Variants in CSMD1 observed in about 807,000 individuals in gnomAD.
CSMD1 encodes CUB and sushi domain-containing protein 1.
A neutral mutation model predicts 417.5 loss-of-function variants in CSMD1; 213 were observed. That is an observed-to-expected ratio of 0.51 (90% CI 0.46 to 0.57). The LOEUF is 0.57. Among genes scored for constraint, CSMD1 ranks in the 20% least tolerant of loss-of-function variants. The pLI is 0.00. For synonymous variants in CSMD1, 2,862 were observed against 1,736.8 expected (o/e 1.65, Z -16.11); for missense variants, 6,923 against 4,529.7 (o/e 1.53, Z -15.17).
chr8:4,630,481 C>G (rs1280690694), intron 2 of CSMD1, among the ~76,000 whole-genome samples: 4 of 151,034 alleles, frequency 2.6e-5, no homozygotes, highest in African/African-American at 9.9e-5. Flanking sequence ...AAACGAAAAA[C>G]AAACAAAAAA....
intron 33 of CSMD1, among the ~76,000 whole-genome samples, chr8:3,198,321 G>C (rs1268204490): frequency 2.6e-5 from 4 of 152,160 alleles, no homozygotes; most frequent in Admixed American, 2.0e-4. Flanking sequence ...AGGCAGCCCA[G>C]TTTCTTTACA....
intron 26 of CSMD1, among the ~76,000 whole-genome samples, chr8:3,240,590 G>T (rs538865403): frequency 6.6e-6 from 1 of 152,184 alleles, no homozygotes; most frequent in Admixed American, 6.5e-5. Flanking sequence ...CTTTGCGGCA[G>T]TACAGCCCGG....
chr8:4,435,570 C>T (rs1336211253), intron 2 of CSMD1, among the ~76,000 whole-genome samples: 1 of 152,186 alleles, frequency 6.6e-6, no homozygotes, highest in African/African-American at 2.4e-5. Context: ...GGCTGTCATG[C>T]TCCCTTCCAG....
chr8:3,927,844 T>A (rs2554664), intron 5 of CSMD1, among the ~76,000 whole-genome samples: 15,653 of 152,186 alleles, frequency 0.1, 2,688 homozygotes, highest in African/African-American at 0.36. Context: ...GTTTGGCAGA[T>A]ACTTTTTTAT....
intron 12 of CSMD1, among the ~76,000 whole-genome samples, chr8:3,451,241 A>G (rs1464884272): frequency 6.6e-6 from 1 of 152,202 alleles, no homozygotes; most frequent in Non-Finnish European, 1.5e-5. Context: ...GTACATTGCA[A>G]AACATTTCTG....
chr8:4,428,969 C>T (rs1251539963), intron 2 of CSMD1, among the ~76,000 whole-genome samples: 2 of 152,080 alleles, frequency 1.3e-5, no homozygotes, highest in Non-Finnish European at 1.5e-5. Context: ...CTGCCTCATC[C>T]TCCCAAAGTG....
intron 3 of CSMD1, among the ~76,000 whole-genome samples, chr8:4,072,288 C>CA (rs1799600361): frequency 2.0e-5 from 3 of 152,108 alleles, no homozygotes; most frequent in South Asian, 2.1e-4. Flanking sequence ...TGCACTTTTA[C>CA]AAAAAAATAC....
intron 2 of CSMD1, among the ~76,000 whole-genome samples, chr8:4,619,213 C>T (rs942057640): frequency 2.6e-5 from 4 of 152,048 alleles, no homozygotes; most frequent in Admixed American, 6.6e-5. Context: ...TTTCCCACCA[C>T]CACCACCCCA....
intron 5 of CSMD1, among the ~76,000 whole-genome samples, chr8:3,965,676 G>A (rs542839386): frequency 2.4e-4 from 36 of 152,120 alleles, no homozygotes; most frequent in Non-Finnish European, 4.9e-4. Context: ...GGAGTGCAAT[G>A]GTGCCATCTC....
intron 42 of CSMD1, among the ~76,000 whole-genome samples, chr8:3,110,857 G>A (rs905209311): frequency 2.6e-5 from 4 of 152,172 alleles, no homozygotes; most frequent in Admixed American, 2.0e-4. Context: ...TGTAAGTGGT[G>A]TTTTGCGGAA....
chr8:3,939,764 G>C (rs1198293811), intron 5 of CSMD1, among the ~76,000 whole-genome samples: 1 of 152,102 alleles, frequency 6.6e-6, no homozygotes, highest in Non-Finnish European at 1.5e-5. Context: ...CAGTCACTCA[G>C]AAATGGAAAA....
intron 5 of CSMD1, among the ~76,000 whole-genome samples, chr8:3,821,649 G>A (rs764901344): frequency 6.6e-6 from 1 of 152,172 alleles, no homozygotes; most frequent in Admixed American, 6.5e-5. Flanking sequence ...GGGCATGGTG[G>A]CACATGCCTG....
At chr8:4,077,299 A>ATATATATG (rs1799875688) in intron 3 of CSMD1, among the ~76,000 whole-genome samples, 1 of 66,124 alleles carries the variant, frequency 1.5e-5, no homozygotes, top group African/African-American at 4.2e-5. Context: ...ATATATGTGT[A>ATATATATG]TATATATATA....
At chr8:3,292,530 A>G (rs984262669) in intron 25 of CSMD1, among the ~76,000 whole-genome samples, 10 of 152,172 alleles carry the variant, frequency 6.6e-5, no homozygotes, top group Non-Finnish European at 7.4e-5. Context: ...GTACATATAT[A>G]TTTAGGAGAG....
intron 5 of CSMD1, among the ~76,000 whole-genome samples, chr8:3,768,465 ATTT>A (rs78578436): frequency 6.6e-6 from 1 of 152,144 alleles, no homozygotes; most frequent in Non-Finnish European, 1.5e-5. Context: ...TTTCCAACAT[ATTT>A]TTTTCTGAAA....
chr8:3,460,153 C>A (rs758079499), intron 12 of CSMD1, among the ~76,000 whole-genome samples: 17 of 152,018 alleles, frequency 1.1e-4, no homozygotes, highest in African/African-American at 4.1e-4. Context: ...TGTGTAGCAG[C>A]AAATCACATA....
intron 3 of CSMD1, among the ~76,000 whole-genome samples, chr8:4,066,701 T>C (rs1034952615): frequency 1.3e-5 from 2 of 152,126 alleles, no homozygotes; most frequent in African/African-American, 2.4e-5. Flanking sequence ...TGAAATTAGA[T>C]GATAGTATAT....
chr8:3,751,427 T>C (rs1797336591), intron 6 of CSMD1, among the ~76,000 whole-genome samples: 1 of 147,998 alleles, frequency 6.8e-6, no homozygotes, highest in African/African-American at 2.5e-5. Context: ...TAAATATAAC[T>C]ACATACAGTT....
chr8:4,235,259 G>A (rs1399246373), intron 3 of CSMD1, among the ~76,000 whole-genome samples: 1 of 151,990 alleles, frequency 6.6e-6, no homozygotes, highest in African/African-American at 2.4e-5. Flanking sequence ...GTTAGATTTC[G>A]TAGGCTACAT....
Sources: gnomAD v4.1 joint callset for allele counts (sites outside exome capture counted in the v4.1 genomes callset) on GRCh38, gnomAD v4.1.1 for gene constraint, MANE v1.5 for transcripts, NCBI Gene and HGNC (gene_info 2026-07-23, HGNC 2026-07-21) for gene names.